Variants in MED12L observed in about 807,000 individuals in gnomAD.
MED12L encodes the protein mediator of RNA polymerase II transcription subunit 12-like protein.
A neutral mutation model predicts 281.3 loss-of-function variants in MED12L; 60 were observed. The ratio of observed to expected loss-of-function variants is 0.21; its 90% CI spans 0.17 to 0.26. MED12L has a LOEUF of 0.26. Among genes scored for constraint, MED12L ranks in the 10% least tolerant of loss-of-function variants. MED12L has a pLI of 1.00. For synonymous variants in MED12L, 974 were observed against 987.2 expected (o/e 0.99, Z 0.25); for missense variants, 2,146 against 2,680.9 (o/e 0.80, Z 4.41).
intron 8 of MED12L, among the ~76,000 whole-genome samples, chr3:151,163,170 A>T (rs1176092794): frequency 3.3e-5 from 5 of 152,274 alleles, no homozygotes; most frequent in Admixed American, 6.5e-5. Flanking sequence ...TACCTAGATC[A>T]TGGGGTTATT....
intron 16 of MED12L, among the ~76,000 whole-genome samples, chr3:151,330,955 T>A (rs543007535): frequency 5.8e-4 from 88 of 152,332 alleles, no homozygotes; most frequent in African/African-American, 1.9e-3. Context: ...AATTTTCCTA[T>A]AGCCCCAAAT....
rs1020066032 is a variant in MED12L, at chr3:151,085,943, T to TGTTGGGG, written c.-130+16_-130+22dup. On this transcript the variant is annotated splice_region_variant and intron_variant, in intron 1 of 44. Coordinates refer to ENST00000687756, the MANE Select transcript of MED12L (RefSeq NM_001393769.1). ...GCTAGCCGCGGACCAACAGGTAAAG[T>TGTTGGGG]GTTGGGGGTTGGGGGCGGAAGGGAA... 6.6e-6 allele frequency: 1 copy of TGTTGGGG among 150,792 alleles called. No homozygotes were observed. The highest frequency in any genetic ancestry group is 2.4e-5 in the African/African-American group (1 of 41,000). 9.3% of individuals were successfully genotyped at this position (150,792 alleles called of 1,614,324 possible).
intron 16 of MED12L, among the ~76,000 whole-genome samples, chr3:151,330,035 C>G (rs894535280): frequency 3.9e-5 from 6 of 152,128 alleles, no homozygotes; most frequent in Non-Finnish European, 8.8e-5. Flanking sequence ...GAGGTGAAGA[C>G]TATTAGATCC....
chr3:151,226,133 G>A (rs189288993), intron 16 of MED12L, among the ~76,000 whole-genome samples: 1 of 152,342 alleles, frequency 6.6e-6, no homozygotes, highest in Admixed American at 6.5e-5. Context: ...ATCATTGAAG[G>A]AGGAAGCACA....
intron 16 of MED12L, among the ~76,000 whole-genome samples, chr3:151,209,042 T>C (rs1726768748): frequency 6.6e-6 from 1 of 152,284 alleles, no homozygotes; most frequent in East Asian, 1.9e-4. Flanking sequence ...CTAGTGGCTA[T>C]GACGGTGACC....
intron 16 of MED12L, among the ~76,000 whole-genome samples, chr3:151,334,264 A>C (rs1750712595): frequency 7.1e-6 from 1 of 141,792 alleles, no homozygotes. Context: ...ATTTAAAAAA[A>C]AAAGGCGATT....
In MED12L at chr3:151,232,308, A is replaced by C. The variant is rs537008400; in HGVS notation, c.2250+38642A>C. On this transcript the variant is annotated intron_variant, in intron 16 of 44. Coordinates refer to ENST00000687756, the MANE Select transcript of MED12L (RefSeq NM_001393769.1). ...GGTTGAACTCATTTACCCTCCCACC[A>C]ATGTGTGGAAGTGTTCTCTTTTCTC... is the stretch of plus-strand genomic sequence containing the variant. Among the ~76,000 whole-genome samples, 138 of 152,294 alleles carry C rather than the reference A, an allele frequency of 9.1e-4. 1 individual carries two copies. The highest frequency in any genetic ancestry group is 1.6e-3 in the Non-Finnish European group (109 of 68,018).
At chr3:151,136,232 A>G (rs1716121308) in intron 5 of MED12L, among the ~76,000 whole-genome samples, 2 of 152,232 alleles carry the variant, frequency 1.3e-5, no homozygotes, top group South Asian at 2.1e-4. Context: ...CTGCAAAAAT[A>G]AGTCCTGCTA....
intron 16 of MED12L, among the ~76,000 whole-genome samples, chr3:151,228,150 T>C (rs1373909258): frequency 6.6e-6 from 1 of 152,198 alleles, no homozygotes; most frequent in Non-Finnish European, 1.5e-5. Context: ...TACTGCTCTG[T>C]TGGAATAGTG....
chr3:151,292,288 C>CTTTTTTTTTTTTTTTT (rs35742538), intron 16 of MED12L, among the ~76,000 whole-genome samples: 17 of 139,878 alleles, frequency 1.2e-4, no homozygotes, highest in African/African-American at 4.4e-4. Context: ...AATATTGCTC[C>CTTTTTTTTTTTTTTTT]TTTTTTTTTT....
chr3:151,294,362 C>CAGT, intron 16 of MED12L: 1 of 1,614,010 alleles, frequency 6.2e-7, no homozygotes, highest in Non-Finnish European at 8.5e-7. Context: ...AATTTCTTTG[C>CAGT]AGTAATATAG....
chr3:151,339,663 G>T (rs1261426124), intron 16 of MED12L, among the ~76,000 whole-genome samples: 1 of 151,810 alleles, frequency 6.6e-6, no homozygotes, highest in African/African-American at 2.4e-5. Context: ...ATAAGAGTCA[G>T]AAATGGCCTG....
rs371795997 is a variant in MED12L, at chr3:151,363,999, G to A, written c.2958-980G>A. Among the ~76,000 whole-genome samples the A allele has an allele frequency of 5.3e-5, 8 of 152,036 alleles. No homozygotes were observed. In the East Asian group the frequency reaches 1.3e-3, roughly 26 times the overall value. On this transcript the variant is annotated intron_variant, in intron 21 of 44. Transcript: ENST00000687756. ...CATTGATGCAAGTATATAACAATAT[G>A]GGGTTTAAAAAAAAAGCCATAGGTC...
chr3:151,410,347 A>G (rs893050060), intron 40 of MED12L, among the ~76,000 whole-genome samples: 2 of 152,246 alleles, frequency 1.3e-5, no homozygotes, highest in Admixed American at 1.3e-4. Context: ...AATTCAATCT[A>G]TGTCCACAGC....
chr3:151,369,662 C>G (rs569653647), intron 26 of MED12L, 113 bp downstream of exon 26: 13 of 636,284 alleles, frequency 2.0e-5, no homozygotes, highest in Non-Finnish European at 3.3e-5. Context: ...ACTGTTTGAT[C>G]GCTTATTCTC....
At chr3:151,367,523 C>A in intron 23 of MED12L, 123 bp from the exon 24 acceptor site, 1 of 795,724 alleles carries the variant, frequency 1.3e-6, no homozygotes. Flanking sequence ...TATCATTTCC[C>A]TCTGCTGGTT....
At chr3:151,111,672 G>C (rs781078005) in intron 2 of MED12L, among the ~76,000 whole-genome samples, 1 of 152,190 alleles carries the variant, frequency 6.6e-6, no homozygotes, top group Admixed American at 6.5e-5. Flanking sequence ...CATTGTTGTC[G>C]TGTTGCAGCA....
chr3:151,175,371 A>G (rs1276708948), intron 11 of MED12L, among the ~76,000 whole-genome samples: 1 of 152,236 alleles, frequency 6.6e-6, no homozygotes, highest in Non-Finnish European at 1.5e-5. Context: ...AAGATTAAAG[A>G]GCTGTTAAGA....
intron 14 of MED12L, 74 bp from the exon 15 acceptor site, chr3:151,192,476 G>C: frequency 9.4e-7 from 1 of 1,065,420 alleles, no homozygotes; most frequent in Middle Eastern, 2.0e-4. Flanking sequence ...AAATCCCACT[G>C]TCATGTTTTA....
Sources: allele counts gnomAD v4.1 joint callset (sites outside exome capture counted in the v4.1 genomes callset), GRCh38; gene constraint gnomAD v4.1.1; transcripts MANE v1.5; gene names NCBI Gene and HGNC (gene_info 2026-07-23, HGNC 2026-07-21).